The following PABPN1 variants were observed in gnomAD, a reference collection of about 807,000 sequenced individuals.
PABPN1 encodes poly(A) binding protein nuclear 1, also known as polyadenylate-binding protein 2.
In PABPN1, 5 loss-of-function variants were observed where a neutral mutation model predicts 33.4. That is an observed-to-expected ratio of 0.15 (90% CI 0.08 to 0.32). The LOEUF (loss-of-function observed/expected upper bound fraction) is 0.32. Ranked by LOEUF, PABPN1 falls within the 10% of genes least tolerant of loss-of-function variation. The pLI, the probability that PABPN1 is intolerant of heterozygous loss-of-function variation, is 1.00. For missense variants in PABPN1, 312 were observed against 425.8 expected (o/e 0.73, Z 2.35); for synonymous variants, 176 against 170.6 (o/e 1.03, Z -0.25).
chr14:23,323,282 C>T, intron 3 of PABPN1, 95 bp from the exon 4 acceptor site: 1 of 1,369,992 alleles, frequency 7.3e-7, no homozygotes, highest in Non-Finnish European at 1.0e-6. Context: ...ATTTCATGTG[C>T]TTTGGTGTAT....
rs1594992814 is a variant in PABPN1, at chr14:23,325,970, T to A, written c.*684T>A. ...GTTTTGGGGGGTTTAGGGGTGTTTT[T>A]GTTTTTCAGTTGTTTTGTTTTTTTG... is the stretch of plus-strand genomic sequence containing the variant. On this transcript the variant is annotated 3_prime_UTR_variant, in exon 7 of 7. Transcript: ENST00000216727. The A allele has an allele frequency of 1.3e-5, 2 of 150,082 alleles. No homozygotes were observed. Among genetic ancestry groups the A allele is most frequent in the African/African-American group, 4.9e-5 (2 of 40,406 alleles). The allele number at this position is 150,082 out of a possible 1,614,324, so 9.3% of individuals were successfully genotyped here.
chr14:23,321,981 G>T (rs1888329823), intron 1 of PABPN1, 161 bp downstream of exon 1: 2 of 782,040 alleles, frequency 2.6e-6, no homozygotes, highest in East Asian at 5.3e-5. Flanking sequence ...ATCACTACAA[G>T]GGGCCCGACT....
chr14:23,321,698 C>T lies in PABPN1; in HGVS notation c.229C>T (p.Pro77Ser), dbSNP rs988289631. Residue 77 changes from proline to serine, a missense_variant, in exon 1 of 7, where the codon CCC (proline) becomes TCC (serine). This residue lies in a region of PABPN1 where 167 missense variants were observed against 168.9 expected (regional missense o/e 0.99). Transcript: ENST00000216727. ...EPEPEEEPPR[P>S]RAPPGAPGPG... ...CGAGCCCGAAGAGGAGCCGCCCCGG[C>T]CCCGCGCCCCCCCGGGAGCTCCGGG... 2.0e-6 allele frequency: 3 copies of T among 1,532,724 alleles called. No homozygotes were observed. The highest frequency in any genetic ancestry group is 2.6e-6 in the Non-Finnish European group (3 of 1,134,974). The allele number at this position is 1,532,724 out of a possible 1,614,324, so 94.9% of individuals were successfully genotyped here.
chr14:23,323,489 TA>T lies in PABPN1; in HGVS notation c.641+9del, dbSNP rs1453193840. On this transcript the variant is annotated splice_region_variant and intron_variant, in intron 4 of 6. Transcript: ENST00000216727. The stretch of plus-strand genomic sequence containing the variant: ...TTTAGTGGCCATCCCAAAGGGTAAG[TA>T]AAGGGGAGTAAGTTGAGATAATTTA... 2 of 1,608,116 alleles carry T rather than the reference TA, an allele frequency of 1.2e-6. No homozygotes were observed. The highest frequency in any genetic ancestry group is 2.2e-5 in the South Asian group (2 of 90,930).
At chr14:23,323,116 G>T in intron 3 of PABPN1, 50 bp downstream of exon 3, 1 of 1,610,968 alleles carries the variant, frequency 6.2e-7, no homozygotes, top group South Asian at 1.1e-5. Context: ...TTCTTTTGGG[G>T]AATTATTTAA....
At position 23,322,171 on chromosome 14, in the gene PABPN1, C is replaced by T; in HGVS notation, c.352-10C>T. The stretch of plus-strand genomic sequence containing the variant: ...TAAGCTGTCCTCCATACCCTCCCCA[C>T]TTATATTAGGAGCTGGAAGCTATCA... On this transcript the variant is annotated splice_polypyrimidine_tract_variant and intron_variant, in intron 1 of 6. Transcript: ENST00000216727. 4 of 1,598,700 alleles carry T rather than the reference C, an allele frequency of 2.5e-6. No homozygotes were observed. The highest frequency in any genetic ancestry group is 1.3e-5 in the African/African-American group (1 of 74,770).
chr14:23,322,609 C>T lies in PABPN1; in HGVS notation c.466+314C>T, dbSNP rs1272185072. 5 of 463,896 alleles carry T rather than the reference C, an allele frequency of 1.1e-5. No individual in the cohort carries two copies. In the East Asian group the frequency reaches 1.7e-4, roughly 16 times the overall value. The allele number at this position is 463,896 out of a possible 1,614,324, so 28.7% of individuals were successfully genotyped here. A position where few individuals can be genotyped will look rare whatever the true frequency, so the allele number is the denominator to read the frequency against. On this transcript the variant is annotated intron_variant, in intron 2 of 6. Coordinates refer to ENST00000216727, the MANE Select transcript of PABPN1 (RefSeq NM_004643.4). ...ACCTTCAAATCTAATAGTTTTTCCT[C>T]CAATTGGAGACGCTTTAGGATTCTA... is the stretch of plus-strand genomic sequence containing the variant.
chr14:23,325,530 C>T lies in PABPN1; in HGVS notation c.*244C>T, dbSNP rs1007462960. Reference sequence around the variant, plus strand: ...GGGCTGCTTATTCACTCTGGGGATTCGCCATGGACACGTCTCAACTGCGCA... The same window carrying T: ...GGGCTGCTTATTCACTCTGGGGATTTGCCATGGACACGTCTCAACTGCGCA... On this transcript the variant is annotated 3_prime_UTR_variant, in exon 7 of 7. Transcript: ENST00000216727. 8 of 541,112 alleles carry T rather than the reference C, an allele frequency of 1.5e-5. No homozygotes were observed. The highest frequency in any genetic ancestry group is 6.2e-5 in the East Asian group (2 of 32,066). 33.5% of individuals were successfully genotyped at this position (541,112 alleles called of 1,614,324 possible).
rs1888434590 is a variant in PABPN1 at position 23,322,984 on chromosome 14, A to G, written c.467-15A>G. 7 of 1,614,018 alleles carry G rather than the reference A, an allele frequency of 4.3e-6. No homozygotes were observed. Among genetic ancestry groups the G allele is most frequent in the Middle Eastern group, 1.6e-4 (1 of 6,062 alleles). ...AAGTGTGTGGTTTTTGTAAAAAATT[A>G]TTTTTTCCTGATAGCTGGCCCGGTG... is the stretch of plus-strand genomic sequence containing the variant. On this transcript the variant is annotated splice_polypyrimidine_tract_variant and intron_variant, in intron 2 of 6. Transcript: ENST00000216727.
Position 23,325,299 on chromosome 14 carries a change from T to C in PABPN1, c.*13T>C. ...TTCCCCTTACTAAAAAAAGTGTGTA[T>C]TAGGAGGAGAGAGAGGAAAAAAAGA... is the stretch of plus-strand genomic sequence containing the variant. On this transcript the variant is annotated 3_prime_UTR_variant, in exon 7 of 7. Coordinates refer to ENST00000216727, the MANE Select transcript of PABPN1 (RefSeq NM_004643.4). The C allele has an allele frequency of 1.3e-6, 2 of 1,596,126 alleles. No individual in the cohort carries two copies. Among genetic ancestry groups the C allele is most frequent in the Non-Finnish European group, 1.7e-6 (2 of 1,176,144 alleles).
At chr14:23,324,352 C>T (rs1303097948) in intron 6 of PABPN1, 63 bp downstream of exon 6, 1 of 1,598,470 alleles carries the variant, frequency 6.3e-7, no homozygotes, top group South Asian at 1.1e-5. Flanking sequence ...GCTTCCTCCT[C>T]TCTGGTCTGA....
intron 2 of PABPN1, chr14:23,322,509 C>T (rs938804028): frequency 1.3e-5 from 8 of 593,918 alleles, no homozygotes; most frequent in Admixed American, 1.3e-4. Context: ...TCCCTTTGTG[C>T]CTGTTATAAT....
intron 4 of PABPN1, among the ~76,000 whole-genome samples, 192 bp downstream of exon 4, chr14:23,323,675 C>T (rs949999321): frequency 6.6e-6 from 1 of 152,034 alleles, no homozygotes; most frequent in Admixed American, 6.6e-5. Context: ...AAAATGAAGG[C>T]TAGATGTGGG....
intron 4 of PABPN1, 70 bp downstream of exon 4, chr14:23,323,553 T>C: frequency 2.3e-5 from 33 of 1,416,356 alleles, no homozygotes; most frequent in Non-Finnish European, 3.3e-5. Context: ...TGTTTTATAT[T>C]GAGCAGTAAG....
chr14:23,324,593 TG>T, intron 6 of PABPN1: 1 of 547,248 alleles, frequency 1.8e-6, no homozygotes, highest in Non-Finnish European at 3.3e-6. Context: ...CGGACAAAAC[TG>T]GGAGGAACAG....
rs1343619898 is a variant in PABPN1 at position 23,324,227 on chromosome 14, C to T, written c.819C>T (p.Tyr273=). The part of the protein sequence containing the change: ...RARYRARTTN[Y]NSSRSRFYSG... ...GCTACCGCGCCCGGACCACCAACTA[C>T]AACAGCTCCCGCTCTCGATTCTACA... The change falls in exon 6 of 7, where the codon TAC becomes TAT. Residue 273 remains tyrosine, a synonymous_variant. Transcript: ENST00000216727. 22 of 1,614,064 alleles carry T rather than the reference C, an allele frequency of 1.4e-5. No homozygotes were observed. Among genetic ancestry groups the T allele is most frequent in the Admixed American group, 1.7e-5 (1 of 60,006 alleles).
intron 2 of PABPN1, 126 bp downstream of exon 2, chr14:23,322,421 C>A: frequency 1.2e-6 from 1 of 844,274 alleles, no homozygotes; most frequent in Non-Finnish European, 2.0e-6. Flanking sequence ...TATGACTGTG[C>A]CGCGGTCATA....
chr14:23,323,082 C>T lies in PABPN1; in HGVS notation c.534+16C>T, dbSNP rs760041612. 10 of 1,613,842 alleles carry T rather than the reference C, an allele frequency of 6.2e-6. No homozygotes were observed. The highest frequency in any genetic ancestry group is 6.8e-6 in the Non-Finnish European group (8 of 1,179,962). On this transcript the variant is annotated intron_variant, in intron 3 of 6. Coordinates refer to ENST00000216727, the MANE Select transcript of PABPN1 (RefSeq NM_004643.4). Reference sequence around the variant, plus strand: ...TGTTGGCAATGTACGTACTGGGGCTCTGACTGGGGTTGGGGGCAAGTTCTT... The same window carrying T: ...TGTTGGCAATGTACGTACTGGGGCTTTGACTGGGGTTGGGGGCAAGTTCTT...
rs150924353 is a variant in PABPN1 at position 23,324,209 on chromosome 14, C to T, written c.801C>T (p.Arg267=). The T allele has an allele frequency of 5.4e-5, 87 of 1,614,206 alleles. No homozygotes were observed. Among genetic ancestry groups the T allele is most frequent in the African/African-American group, 5.2e-4 (39 of 75,054 alleles). The change falls in exon 6 of 7, where the codon CGC becomes CGT. Residue 267 remains arginine (R), a synonymous_variant. Coordinates refer to ENST00000216727, the MANE Select transcript of PABPN1 (RefSeq NM_004643.4). ...GGGGTTTTCCACGAGCCCGCTACCG[C>T]GCCCGGACCACCAACTACAACAGCT... ...TDRGFPRARY[R]ARTTNYNSSR...
Sources: allele counts gnomAD v4.1 joint callset (sites outside exome capture counted in the v4.1 genomes callset), GRCh38; gene constraint gnomAD v4.1.1; regional missense constraint gnomAD v4.1.1; transcripts MANE v1.5; gene names NCBI Gene and HGNC (gene_info 2026-07-23, HGNC 2026-07-21).